Variants in SKAP2 observed in about 807,000 individuals in gnomAD.
SKAP2 encodes src kinase associated phosphoprotein 2, also known as src kinase-associated phosphoprotein 2.
SKAP2 carries 28 observed loss-of-function variants against 54.9 expected under a neutral mutation model. That is an observed-to-expected ratio of 0.51 (90% CI 0.38 to 0.70). The LOEUF (loss-of-function observed/expected upper bound fraction) is 0.70, where lower values mean the gene tolerates loss of function less well. SKAP2 is among the 30% of genes least tolerant of loss of function. The pLI, the probability that SKAP2 is intolerant of heterozygous loss-of-function variation, is 0.00. For missense variants in SKAP2, 356 were observed against 424.1 expected (o/e 0.84, Z 1.41); for synonymous variants, 137 against 134.3 (o/e 1.02, Z -0.14).
At chr7:26,839,584 TAA>T (rs1784780083) in intron 4 of SKAP2, among the ~76,000 whole-genome samples, 1 of 152,112 alleles carries the variant, frequency 6.6e-6, no homozygotes, top group Non-Finnish European at 1.5e-5. Flanking sequence ...CCCTAAATGC[TAA>T]GTTATTGAAA....
At chr7:26,686,060 T>C (rs1430112831) in intron 10 of SKAP2, among the ~76,000 whole-genome samples, 2 of 152,122 alleles carry the variant, frequency 1.3e-5, no homozygotes, top group East Asian at 3.8e-4. Flanking sequence ...GATTAGCATG[T>C]CATTAGGGTG....
chr7:26,740,627 G>A (rs758545634), intron 4 of SKAP2, among the ~76,000 whole-genome samples: 11 of 152,074 alleles, frequency 7.2e-5, no homozygotes, highest in Non-Finnish European at 1.5e-4. Context: ...GTATATTCAC[G>A]GTCATGGATT....
At chr7:26,712,635 T>A (rs887323334) in intron 9 of SKAP2, among the ~76,000 whole-genome samples, 1 of 152,208 alleles carries the variant, frequency 6.6e-6, no homozygotes, top group Non-Finnish European at 1.5e-5. Flanking sequence ...TTAGTTTCCT[T>A]GTCTATAAAA....
chr7:26,771,457 T>A (rs1783186819), intron 4 of SKAP2, among the ~76,000 whole-genome samples: 1 of 152,192 alleles, frequency 6.6e-6, no homozygotes, highest in Non-Finnish European at 1.5e-5. Flanking sequence ...AAAGTTATAG[T>A]GAACTTGTGA....
At chr7:26,705,800 C>G (rs1787143447) in intron 9 of SKAP2, among the ~76,000 whole-genome samples, 1 of 152,206 alleles carries the variant, frequency 6.6e-6, no homozygotes, top group African/African-American at 2.4e-5. Flanking sequence ...ACAACGTACA[C>G]TCATAGCTCT....
At chr7:26,721,125 A>G (rs1787567970) in intron 9 of SKAP2, among the ~76,000 whole-genome samples, 1 of 152,174 alleles carries the variant, frequency 6.6e-6, no homozygotes, top group Non-Finnish European at 1.5e-5. Context: ...TGCATTCCAA[A>G]GAAGAAAGGA....
At chr7:26,843,938 C>CT in intron 4 of SKAP2, 92 bp downstream of exon 4, 1 of 788,978 alleles carries the variant, frequency 1.3e-6, no homozygotes, top group Non-Finnish European at 2.1e-6. Context: ...ACCGAAGCCT[C>CT]TATGTTCATC....
intron 1 of SKAP2, among the ~76,000 whole-genome samples, chr7:26,862,287 CATAAA>C (rs1785286865): frequency 6.6e-6 from 1 of 151,960 alleles, no homozygotes; most frequent in Non-Finnish European, 1.5e-5. Flanking sequence ...TACAGTCAAA[CATAAA>C]ATGTTAGCAA....
intron 4 of SKAP2, among the ~76,000 whole-genome samples, chr7:26,769,542 T>C (rs1783138662): frequency 6.6e-6 from 1 of 152,158 alleles, no homozygotes; most frequent in Non-Finnish European, 1.5e-5. Flanking sequence ...GGCATTCTGG[T>C]TTTTGGAATT....
chr7:26,796,386 A>G (rs1025093738), intron 4 of SKAP2, among the ~76,000 whole-genome samples: 2 of 152,214 alleles, frequency 1.3e-5, no homozygotes, highest in African/African-American at 4.8e-5. Flanking sequence ...TCTCCAGTAA[A>G]TTGCATATCG....
intron 9 of SKAP2, among the ~76,000 whole-genome samples, chr7:26,704,001 A>C (rs1438202529): frequency 1.3e-5 from 2 of 152,236 alleles, no homozygotes; most frequent in Admixed American, 6.5e-5. Context: ...TTAATTAATT[A>C]AACAGCATTT....
intron 4 of SKAP2, among the ~76,000 whole-genome samples, chr7:26,808,767 G>A (rs935539001): frequency 1.3e-5 from 2 of 152,150 alleles, no homozygotes; most frequent in Middle Eastern, 3.2e-3. Context: ...TACAAAATGG[G>A]TATAACAACA....
chr7:26,836,230 C>T (rs992179263), intron 4 of SKAP2, among the ~76,000 whole-genome samples: 1 of 152,082 alleles, frequency 6.6e-6, no homozygotes, highest in Non-Finnish European at 1.5e-5. Context: ...GACATAAAAC[C>T]ATAAAAACCC....
intron 6 of SKAP2, among the ~76,000 whole-genome samples, chr7:26,737,873 T>C (rs777742884): frequency 1.3e-5 from 2 of 152,206 alleles, no homozygotes; most frequent in Non-Finnish European, 2.9e-5. Context: ...AGTTATAAAA[T>C]GTATCCTATT....
At chr7:26,722,661 G>A (rs548639131) in intron 9 of SKAP2, among the ~76,000 whole-genome samples, 3 of 151,842 alleles carry the variant, frequency 2.0e-5, no homozygotes, top group African/African-American at 7.2e-5. Flanking sequence ...CACCTAACTC[G>A]GCCTCCCAAA....
chr7:26,678,058 C>T (rs1786394459), intron 11 of SKAP2, among the ~76,000 whole-genome samples: 1 of 152,192 alleles, frequency 6.6e-6, no homozygotes, highest in Non-Finnish European at 1.5e-5. Context: ...GGAGAAGGCA[C>T]TTAATAGCTG....
chr7:26,700,807 C>A (rs1226259324), intron 9 of SKAP2, among the ~76,000 whole-genome samples: 1 of 152,218 alleles, frequency 6.6e-6, no homozygotes, highest in African/African-American at 2.4e-5. Flanking sequence ...GTTTATAATA[C>A]AATTGCTAGA....
At chr7:26,789,575 T>G (rs2127981050) in intron 4 of SKAP2, among the ~76,000 whole-genome samples, 1 of 152,328 alleles carries the variant, frequency 6.6e-6, no homozygotes, top group African/African-American at 2.4e-5. Flanking sequence ...TATTACCTAA[T>G]TTTTTTAAGT....
intron 11 of SKAP2, among the ~76,000 whole-genome samples, chr7:26,683,314 G>A (rs1786546660): frequency 6.6e-6 from 1 of 152,160 alleles, no homozygotes; most frequent in Non-Finnish European, 1.5e-5. Context: ...GCTTAATCAA[G>A]AGTTGTGATG....
Sources: gnomAD v4.1 joint callset for allele counts (sites outside exome capture counted in the v4.1 genomes callset) on GRCh38, gnomAD v4.1.1 for gene constraint, MANE v1.5 for transcripts, NCBI Gene and HGNC (gene_info 2026-07-23, HGNC 2026-07-21) for gene names.